Variants in MACROD2 observed in about 807,000 individuals in gnomAD.
MACROD2 encodes the protein mono-ADP ribosylhydrolase 2.
Under a neutral mutation model 70.4 loss-of-function variants are expected in MACROD2, and 36 were observed. The ratio of observed to expected loss-of-function variants is 0.51; its 90% CI spans 0.39 to 0.68. The LOEUF (loss-of-function observed/expected upper bound fraction) is 0.68, where lower values mean the gene tolerates loss of function less well. MACROD2 is among the 30% of genes least tolerant of loss of function. The pLI, the probability that MACROD2 is intolerant of heterozygous loss-of-function variation, is 0.00. For synonymous variants in MACROD2, 172 were observed against 178.8 expected (o/e 0.96, Z 0.30); for missense variants, 496 against 538.4 (o/e 0.92, Z 0.78).
chr20:14,501,086 C>T (rs1374871500), intron 4 of MACROD2, among the ~76,000 whole-genome samples: 2 of 151,082 alleles, frequency 1.3e-5, no homozygotes, highest in African/African-American at 4.9e-5. Flanking sequence ...AACAGGCAAC[C>T]TGAGGATTAT....
intron 3 of MACROD2, among the ~76,000 whole-genome samples, chr20:14,234,886 A>C (rs1217510983): frequency 6.6e-6 from 1 of 152,218 alleles, no homozygotes; most frequent in East Asian, 1.9e-4. Context: ...ATTGTTTTGG[A>C]TATACAGAGC....
chr20:15,021,398 A>G (rs1168970628), intron 5 of MACROD2, among the ~76,000 whole-genome samples: 1 of 148,814 alleles, frequency 6.7e-6, no homozygotes, highest in Non-Finnish European at 1.5e-5. Flanking sequence ...ATATATACAT[A>G]TATGTGTATA....
At chr20:14,721,584 G>A (rs2071470711) in intron 5 of MACROD2, among the ~76,000 whole-genome samples, 1 of 152,108 alleles carries the variant, frequency 6.6e-6, no homozygotes, top group South Asian at 2.1e-4. Flanking sequence ...TATTGCCTAG[G>A]TTACTGCCAA....
chr20:15,151,285 C>T (rs548388153), intron 5 of MACROD2, among the ~76,000 whole-genome samples: 2 of 152,182 alleles, frequency 1.3e-5, no homozygotes, highest in East Asian at 3.9e-4. Context: ...AGATTTCCAG[C>T]ACTTGTAGCA....
At chr20:15,825,375 T>C (rs1555784095) in intron 8 of MACROD2, among the ~76,000 whole-genome samples, 1 of 152,198 alleles carries the variant, frequency 6.6e-6, no homozygotes, top group Non-Finnish European at 1.5e-5. Context: ...ATAGATGCTC[T>C]GGTCCAAGGC....
Position 14,551,699 on chromosome 20 carries a change from G to C in MACROD2, c.301+58191G>C, listed in dbSNP as rs559039435. On this transcript the variant is annotated intron_variant, in intron 4 of 17. Coordinates refer to ENST00000684519, the MANE Select transcript of MACROD2 (RefSeq NM_001351661.2). ...ATATAGCTATGCATTGGATGTTTTG[G>C]AAAAGGAATATATAAGAATAGACCT... is the stretch of plus-strand genomic sequence containing the variant. 5.3e-5 allele frequency among the ~76,000 whole-genome samples: 8 copies of C among 152,200 alleles called. No homozygotes were observed. In the East Asian group the frequency reaches 1.5e-3, roughly 29 times the overall value.
chr20:15,124,898 G>A (rs16995329), intron 5 of MACROD2, among the ~76,000 whole-genome samples: 3,440 of 151,898 alleles, frequency 0.023, 50 homozygotes, highest in Middle Eastern at 0.12. Flanking sequence ...CATGATGGAA[G>A]TGCCATTTGA....
At chr20:14,913,764 C>T (rs141896732) in intron 5 of MACROD2, among the ~76,000 whole-genome samples, 1 of 152,212 alleles carries the variant, frequency 6.6e-6, no homozygotes, top group Non-Finnish European at 1.5e-5. Context: ...TGCCCTACCC[C>T]GACCCTATGT....
Position 15,230,052 on chromosome 20 carries a change from C to T in MACROD2, c.531C>T (p.Ile177=). The change falls in exon 6 of 18, where the codon ATC becomes ATT. Residue 177 remains isoleucine (I), a synonymous_variant. Transcript: ENST00000684519. The part of the protein sequence containing the change: ...SSLKLVKENN[I]RSVAFPCIST... ...TGAAGCTCGTGAAAGAAAATAACAT[C>T]CGATCAGTTGTAAGTAATTTTATGT... 2 of 1,613,058 alleles carry T rather than the reference C, an allele frequency of 1.2e-6. No individual in the cohort carries two copies. The highest frequency in any genetic ancestry group is 1.7e-6 in the Non-Finnish European group (2 of 1,179,426).
At chr20:15,481,443 T>A (rs982208112) in intron 7 of MACROD2, among the ~76,000 whole-genome samples, 1 of 152,212 alleles carries the variant, frequency 6.6e-6, no homozygotes, top group African/African-American at 2.4e-5. Flanking sequence ...TCACATTGTG[T>A]TTACATTCTA....
At position 15,967,565 on chromosome 20, in the gene MACROD2, A is replaced by G. The variant is rs1167694958; in HGVS notation, c.920A>G (p.Asp307Gly). ...TGTTTGTTGTTAGATTTTGCAAAGG[A>G]TGAAAATATTACAAAAGGCGGTGAA... is the stretch of plus-strand genomic sequence containing the variant. ...EDCKDEDFAK[D>G]ENITKGGEVT... The change falls in exon 13 of 18, where the codon GAT becomes GGT. Residue 307 changes from aspartate to glycine, a missense_variant. Asp to Gly is a moderately conservative substitution (Grantham distance 94). Coordinates refer to ENST00000684519, the MANE Select transcript of MACROD2 (RefSeq NM_001351661.2). 2 of 1,611,242 alleles carry G rather than the reference A, an allele frequency of 1.2e-6. No individual in the cohort carries two copies. The highest frequency in any genetic ancestry group is 2.2e-5 in the East Asian group (1 of 44,722).
Position 15,363,225 on chromosome 20 carries a change from G to A in MACROD2, c.541-68180G>A, listed in dbSNP as rs572920321. 6.6e-5 allele frequency among the ~76,000 whole-genome samples: 10 copies of A among 152,312 alleles called. No individual in the cohort carries two copies. In the South Asian group the frequency reaches 1.0e-3, roughly 16 times the overall value. On this transcript the variant is annotated intron_variant, in intron 6 of 17. Coordinates refer to ENST00000684519, the MANE Select transcript of MACROD2 (RefSeq NM_001351661.2). Reference sequence around the variant, plus strand: ...AGATGCAGGAGACAAGTGACCATCTGCTTACTTAGTGGTGACACATGAAAT... The same window carrying A: ...AGATGCAGGAGACAAGTGACCATCTACTTACTTAGTGGTGACACATGAAAT...
chr20:15,638,927 T>TAGAC (rs1399106418), intron 8 of MACROD2, among the ~76,000 whole-genome samples: 2 of 152,284 alleles, frequency 1.3e-5, no homozygotes, highest in African/African-American at 2.4e-5. Flanking sequence ...AGGGTGTGAG[T>TAGAC]AGACAGTTGG....
intron 2 of MACROD2, among the ~76,000 whole-genome samples, chr20:14,043,651 A>G (rs952038610): frequency 5.9e-5 from 9 of 152,156 alleles, no homozygotes; most frequent in African/African-American, 1.2e-4. Flanking sequence ...GTGCACTGTT[A>G]ATTTCTCCAG....
intron 3 of MACROD2, among the ~76,000 whole-genome samples, chr20:14,390,547 C>A (rs529353166): frequency 3.3e-5 from 5 of 152,252 alleles, no homozygotes; most frequent in Non-Finnish European, 7.4e-5. Flanking sequence ...AAAACAGACA[C>A]ATAGACCAAT....
chr20:15,203,234 A>G (rs138648304), intron 5 of MACROD2, among the ~76,000 whole-genome samples: 11 of 152,310 alleles, frequency 7.2e-5, no homozygotes, highest in Middle Eastern at 3.4e-3. Flanking sequence ...TTTAACAACA[A>G]AGTAAATGAG....
At chr20:14,849,020 A>G (rs1031443222) in intron 5 of MACROD2, among the ~76,000 whole-genome samples, 7 of 152,254 alleles carry the variant, frequency 4.6e-5, no homozygotes, top group Middle Eastern at 6.8e-3. Context: ...TCTTCTCAGT[A>G]CTGTTCATTG....
chr20:14,906,104 A>G (rs1055655242), intron 5 of MACROD2: 1 of 152,194 alleles, frequency 6.6e-6, no homozygotes, highest in Non-Finnish European at 1.5e-5. Context: ...ATGCCTTTAT[A>G]AGAGTAAAAC....
intron 1 of MACROD2, among the ~76,000 whole-genome samples, chr20:13,999,149 T>A (rs1016986336): frequency 1.3e-5 from 2 of 152,134 alleles, no homozygotes; most frequent in African/African-American, 4.8e-5. Flanking sequence ...ATATCTTCTT[T>A]GAGTTCTTGC....
Sources: allele counts gnomAD v4.1 joint callset (sites outside exome capture counted in the v4.1 genomes callset), GRCh38; gene constraint gnomAD v4.1.1; transcripts MANE v1.5; gene names NCBI Gene and HGNC (gene_info 2026-07-23, HGNC 2026-07-21).